RTTN: variants seen among roughly 807,000 people sequenced by gnomAD.
The protein encoded by RTTN is rotatin.
Under a neutral mutation model 269.2 loss-of-function variants are expected in RTTN, and 182 were observed. The ratio of observed to expected loss-of-function variants is 0.68; its 90% CI spans 0.60 to 0.76. The LOEUF (loss-of-function observed/expected upper bound fraction) is 0.76. Among genes scored for constraint, RTTN ranks in the 30% least tolerant of loss-of-function variants. RTTN has a pLI of 0.00. For synonymous variants in RTTN, 1,006 were observed against 963.5 expected (o/e 1.04, Z -0.82); for missense variants, 2,545 against 2,608.6 (o/e 0.98, Z 0.53).
intron 14 of RTTN, among the ~76,000 whole-genome samples, chr18:70,159,754 C>T (rs1423210600): frequency 3.3e-5 from 5 of 152,028 alleles, no homozygotes; most frequent in African/African-American, 4.8e-5. Context: ...GACATTATCA[C>T]TGACCCCACA....
At chr18:70,018,248 A>G (rs2056599970) in intron 45 of RTTN, among the ~76,000 whole-genome samples, 1 of 152,188 alleles carries the variant, frequency 6.6e-6, no homozygotes. Flanking sequence ...ACAGATGAGA[A>G]AGCTCTATTA....
intron 26 of RTTN, among the ~76,000 whole-genome samples, chr18:70,119,278 C>T (rs555416676): frequency 1.3e-5 from 2 of 150,840 alleles, no homozygotes; most frequent in Non-Finnish European, 3.0e-5. Flanking sequence ...CATTTCTATA[C>T]AGTAACCGCG....
In RTTN at chr18:70,051,507, A is replaced by T. The variant is rs778057411; in HGVS notation, c.5227T>A (p.Leu1743Ile). 6.2e-7 allele frequency: 1 copy of T among 1,611,468 alleles called. No homozygotes were observed. The highest frequency in any genetic ancestry group is 1.3e-5 in the African/African-American group (1 of 74,892). ...AGGAGCATGGCCAGAAGATTAAATA[A>T]ATGTGTCCATGTGTGATAAAAAGCT... The part of the protein sequence containing the change: ...ISAFYHTWTH[L>I]FNLLAMLLRK... The change falls in exon 39 of 49, where the codon TTA (leucine) becomes ATA (isoleucine). Residue 1743 changes from leucine (L) to isoleucine (I), a missense_variant. Coordinates refer to ENST00000640769, the MANE Select transcript of RTTN (RefSeq NM_173630.4).
intron 28 of RTTN, among the ~76,000 whole-genome samples, chr18:70,108,827 CAAA>C (rs2059388980): frequency 6.7e-6 from 1 of 149,300 alleles, no homozygotes; most frequent in South Asian, 2.2e-4. Flanking sequence ...CAAAACAGGA[CAAA>C]AGAAAACTTC....
chr18:70,027,484 C>T lies in RTTN; in HGVS notation c.5823+1240G>A, dbSNP rs285222. 4.2e-3 allele frequency among the ~76,000 whole-genome samples: 640 copies of T among 152,254 alleles called. 3 individuals carry two copies. Among genetic ancestry groups the T allele is most frequent in the African/African-American group, 0.015 (611 of 41,560 alleles). On this transcript the variant is annotated intron_variant, in intron 43 of 48. Coordinates refer to ENST00000640769, the MANE Select transcript of RTTN (RefSeq NM_173630.4). ...ACTTTTGTAAATGGCTAATGTGATA[C>T]AAATTGAGCACAATATTTATAACTA...
At chr18:70,050,201 T>C (rs945499934) in intron 39 of RTTN, among the ~76,000 whole-genome samples, 3 of 152,082 alleles carry the variant, frequency 2.0e-5, no homozygotes, top group Non-Finnish European at 4.4e-5. Context: ...ATCCAGAATC[T>C]ACAAGGAACT....
chr18:70,093,626 C>G (rs565338454), intron 28 of RTTN, among the ~76,000 whole-genome samples: 1 of 152,168 alleles, frequency 6.6e-6, no homozygotes, highest in Non-Finnish European at 1.5e-5. Context: ...ATATGTTGAA[C>G]GGGCCTTGCA....
At position 70,048,078 on chromosome 18, in the gene RTTN, C is replaced by A. The variant is rs2057543141; in HGVS notation, c.5434G>T (p.Ala1812Ser). The A allele has an allele frequency of 6.2e-7, 1 of 1,614,112 alleles. No homozygotes were observed. The highest frequency in any genetic ancestry group is 8.5e-7 in the Non-Finnish European group (1 of 1,179,990). ...LTEEAKGHLQAKSKTHLCCSP... is the reference protein window; with the variant it reads ...LTEEAKGHLQSKSKTHLCCSP... ...CAGCATAAATGTGTTTTGCTCTTAG[C>A]CTGGAGATGCCCTTTTGCTTCTTCG... Residue 1812 changes from alanine (A) to serine (S), a missense_variant, in exon 40 of 49, where the codon GCT (alanine) becomes TCT (serine). Physicochemically the swap from Ala to Ser is moderately conservative, Grantham distance 99. Transcript: ENST00000640769.
Position 70,073,907 on chromosome 18 carries a change from G to T in RTTN, c.4652C>A (p.Thr1551Lys), listed in dbSNP as rs200548446. 5.0e-5 allele frequency: 80 copies of T among 1,606,942 alleles called. No homozygotes were observed. The highest frequency in any genetic ancestry group is 6.3e-5 in the Non-Finnish European group (74 of 1,174,416). ...GACTTATGCATTCTTTGCAAGTACC[G>T]TTGTTTCTGAGGTGGAGAGAGAACT... Reference protein sequence around the residue: ...DPSSLSTSETTVAPSLGSTEF... With the variant: ...DPSSLSTSETKVAPSLGSTEF... The change falls in exon 34 of 49, where the codon ACG (threonine) becomes AAG (lysine). Residue 1551 changes from threonine to lysine, a missense_variant and splice_region_variant. Physicochemically the swap from Thr to Lys is moderately conservative, Grantham distance 78. Coordinates refer to ENST00000640769, the MANE Select transcript of RTTN (RefSeq NM_173630.4).
Position 70,201,877 on chromosome 18 carries a change from T to C in RTTN, c.487+17A>G. 1 of 1,515,936 alleles carries C rather than the reference T, an allele frequency of 6.6e-7. No homozygotes were observed. Among genetic ancestry groups the C allele is most frequent in the Non-Finnish European group, 9.1e-7 (1 of 1,102,524 alleles). 93.9% of individuals were successfully genotyped at this position (1,515,936 alleles called of 1,614,324 possible). On this transcript the variant is annotated intron_variant, in intron 4 of 48. Transcript: ENST00000640769. The stretch of plus-strand genomic sequence containing the variant: ...ACTTCCCAAGTCAACAGGATTTACT[T>C]CCCGACATATACACACCCACTGGTC...
chr18:70,096,315 A>T (rs1355838589), intron 28 of RTTN, among the ~76,000 whole-genome samples: 1 of 152,218 alleles, frequency 6.6e-6, no homozygotes, highest in East Asian at 1.9e-4. Context: ...CACCAAACTC[A>T]TTCTCTATCC....
intron 34 of RTTN, among the ~76,000 whole-genome samples, chr18:70,072,059 AACAC>A (rs2058310064): frequency 6.6e-6 from 1 of 152,154 alleles, no homozygotes; most frequent in Non-Finnish European, 1.5e-5. Context: ...GGTTTAAAGT[AACAC>A]TGGCAGAATG....
chr18:70,026,693 C>T (rs528264282), intron 43 of RTTN, among the ~76,000 whole-genome samples: 1 of 152,322 alleles, frequency 6.6e-6, no homozygotes, highest in Non-Finnish European at 1.5e-5. Context: ...GTATTCCCTT[C>T]TCAGTTGTTT....
intron 28 of RTTN, among the ~76,000 whole-genome samples, chr18:70,107,691 C>T (rs1002826732): frequency 1.2e-4 from 18 of 151,978 alleles, no homozygotes; most frequent in Admixed American, 3.3e-4. Context: ...TAAATATTGG[C>T]AGAAATAAAA....
intron 37 of RTTN, among the ~76,000 whole-genome samples, chr18:70,055,699 CAAG>C (rs1413439243): frequency 6.6e-6 from 1 of 152,200 alleles, no homozygotes; most frequent in Admixed American, 6.5e-5. Flanking sequence ...CCAGGTGAGG[CAAG>C]AAGAAGTGTT....
At position 70,089,107 on chromosome 18, in the gene RTTN, C is replaced by T. The variant is rs529287424; in HGVS notation, c.4144-960G>A. Among the ~76,000 whole-genome samples the T allele has an allele frequency of 5.9e-5, 9 of 152,140 alleles. No individual in the cohort carries two copies. In the East Asian group the frequency reaches 1.7e-3, roughly 29 times the overall value. ...CTCTTTTATATTTTCAATCTATACT[C>T]GAACAAATTTGATTGAAAATGAGGG... On this transcript the variant is annotated intron_variant, in intron 30 of 48. Coordinates refer to ENST00000640769, the MANE Select transcript of RTTN (RefSeq NM_173630.4).
intron 27 of RTTN, among the ~76,000 whole-genome samples, chr18:70,110,615 A>G (rs772798070): frequency 1.4e-4 from 22 of 152,202 alleles, no homozygotes; most frequent in Non-Finnish European, 3.1e-4. Flanking sequence ...GGTTTCAAGC[A>G]CAAAACTGGG....
intron 40 of RTTN, among the ~76,000 whole-genome samples, chr18:70,038,672 C>T (rs576013747): frequency 6.6e-6 from 1 of 152,216 alleles, no homozygotes; most frequent in African/African-American, 2.4e-5. Flanking sequence ...CAGATATTGA[C>T]GAACATCTAA....
At chr18:70,089,248 G>GA (rs1248100183) in intron 30 of RTTN, among the ~76,000 whole-genome samples, 3 of 152,134 alleles carry the variant, frequency 2.0e-5, no homozygotes, top group African/African-American at 4.8e-5. Flanking sequence ...ATAAGGGTGG[G>GA]ACCCTACTGC....
Sources: allele counts gnomAD v4.1 joint callset (sites outside exome capture counted in the v4.1 genomes callset), GRCh38; gene constraint gnomAD v4.1.1; transcripts MANE v1.5; gene names NCBI Gene and HGNC (gene_info 2026-07-23, HGNC 2026-07-21).